The following HS1BP3 variants were observed in gnomAD, a reference collection of about 807,000 sequenced individuals.
HS1BP3 encodes HCLS1-binding protein 3.
Under a neutral mutation model 33.5 loss-of-function variants are expected in HS1BP3, and 32 were observed. The ratio of observed to expected loss-of-function variants is 0.95; its 90% confidence interval spans 0.72 to 1.28. HS1BP3 has a LOEUF of 1.28. Among genes scored for constraint, HS1BP3 ranks in the 50% most tolerant of loss-of-function variants. The pLI, the probability that HS1BP3 is intolerant of heterozygous loss-of-function variation, is 0.00. For missense variants in HS1BP3, 486 were observed against 502.3 expected (o/e 0.97, Z 0.31); for synonymous variants, 187 against 209.2 (o/e 0.89, Z 0.92).
chr2:20,610,329 A>G (rs1694293978), intron 2 of HS1BP3, among the ~76,000 whole-genome samples: 1 of 152,102 alleles, frequency 6.6e-6, no homozygotes, highest in South Asian at 2.1e-4. Flanking sequence ...TATCATACAG[A>G]TAAGTTTTTG....
intron 5 of HS1BP3, among the ~76,000 whole-genome samples, chr2:20,578,339 C>T (rs1346860676): frequency 1.3e-5 from 2 of 152,224 alleles, no homozygotes; most frequent in East Asian, 3.8e-4. Flanking sequence ...CAGAGCCCCA[C>T]ACCTATTACC....
At chr2:20,565,826 G>A (rs545709484) in intron 5 of HS1BP3, among the ~76,000 whole-genome samples, 6 of 152,202 alleles carry the variant, frequency 3.9e-5, no homozygotes, top group Non-Finnish European at 8.8e-5. Flanking sequence ...CCAGAGAGCC[G>A]GAGCCCTGCT....
rs539018429 is a variant in HS1BP3 at position 20,624,423 on chromosome 2, C to T, written c.784+309G>A. Among the ~76,000 whole-genome samples the T allele has an allele frequency of 3.9e-5, 6 of 152,320 alleles. No individual in the cohort carries two copies. In the South Asian group the frequency reaches 1.2e-3, roughly 32 times the overall value. ...GTCCCAAGGCCGCTCGGTTTTCCCT[C>T]TGCCAACTCTGCACAGAGCCCTCCA... On this transcript the variant is annotated intron_variant, in intron 5 of 6. Transcript: ENST00000304031.
At chr2:20,619,977 G>C (rs2149289801) in intron 6 of HS1BP3, among the ~76,000 whole-genome samples, 1 of 152,198 alleles carries the variant, frequency 6.6e-6, no homozygotes, top group Admixed American at 6.5e-5. Flanking sequence ...CATGACCCCA[G>C]ACCTCTAATC....
chr2:20,570,736 G>T (rs13422371), intron 5 of HS1BP3, among the ~76,000 whole-genome samples: 9,570 of 152,190 alleles, frequency 0.063, 485 homozygotes, highest in South Asian at 0.15. Flanking sequence ...GAGAAGAAAT[G>T]GTGTCTCAGA....
At position 20,628,852 on chromosome 2, in the gene HS1BP3, T is replaced by C. The variant is rs375231381; in HGVS notation, c.624-3960A>G. Among the ~76,000 whole-genome samples, 19 of 152,192 alleles carry C rather than the reference T, an allele frequency of 1.2e-4. No individual in the cohort carries two copies. In the South Asian group the frequency reaches 4.0e-3, roughly 32 times the overall value. On this transcript the variant is annotated intron_variant, in intron 4 of 6. Coordinates refer to ENST00000304031, the MANE Select transcript of HS1BP3 (RefSeq NM_022460.4). ...TGTGAGGGTCTGCAGCGGGCGTGAC[T>C]AGGACATAACTGGGAACCCAGATTC... is the stretch of plus-strand genomic sequence containing the variant.
chr2:20,650,989 G>A lies in HS1BP3; in HGVS notation c.32+43C>T, dbSNP rs374400482. 4.1e-6 allele frequency: 5 copies of A among 1,231,830 alleles called. No homozygotes were observed. The South Asian group carries it at 1.2e-4, about 30-fold the overall frequency. The allele number at this position is 1,231,830 out of a possible 1,614,324, so 76.3% of individuals were successfully genotyped here. ...CCCCGCCTCTCCGCCCGGGCGCCCC[G>A]GACTGCGAGCTGTGCGGTGTGGGGC... On this transcript the variant is annotated intron_variant, in intron 1 of 6. Coordinates refer to ENST00000304031, the MANE Select transcript of HS1BP3 (RefSeq NM_022460.4).
chr2:20,587,374 C>T (rs1044381700), intron 5 of HS1BP3, among the ~76,000 whole-genome samples: 9 of 152,184 alleles, frequency 5.9e-5, no homozygotes, highest in Admixed American at 3.9e-4. Flanking sequence ...CCATCAACCA[C>T]GCCCATCTGT....
intron 3 of HS1BP3, among the ~76,000 whole-genome samples, chr2:20,594,219 T>C (rs1693894331): frequency 6.6e-6 from 1 of 152,216 alleles, no homozygotes; most frequent in Admixed American, 6.5e-5. Flanking sequence ...TAGTGACATC[T>C]GCCATGGGTG....
chr2:20,587,646 C>T (rs1372715588), downstream of HS1BP3, among the ~76,000 whole-genome samples: 2 of 151,910 alleles, frequency 1.3e-5, no homozygotes, highest in Non-Finnish European at 2.9e-5. Context: ...CTCGGGAGGC[C>T]GAGGCAGGAG....
chr2:20,623,901 C>T lies in HS1BP3; in HGVS notation c.915G>A (p.Leu305=), dbSNP rs1156519237. ...CCGCTGGGGACAGGTGGTACCTGAACAGTTCCTTGGAGGCGTCCCTGTGGC... is the reference window on the plus strand; with the variant it reads ...CCGCTGGGGACAGGTGGTACCTGAATAGTTCCTTGGAGGCGTCCCTGTGGC... The part of the protein sequence containing the change: ...SLSHRDASKE[L]FRVEEDLDQI... Residue 305 remains leucine, a synonymous_variant, in exon 6 of 7, where the codon CTG becomes CTA. Transcript: ENST00000304031. 1.2e-6 allele frequency: 2 copies of T among 1,611,910 alleles called. No homozygotes were observed. Among genetic ancestry groups the T allele is most frequent in the Non-Finnish European group, 1.7e-6 (2 of 1,179,784 alleles).
At position 20,611,754 on chromosome 2, in the gene HS1BP3, A is replaced by G. The variant is rs1452708962; in HGVS notation, c.178+12142T>C. On this transcript the variant is annotated intron_variant, in intron 2 of 3. Transcript: ENST00000415264. This position sits in a 1 kb window ranked among gnomAD's most constrained non-coding sequence, Gnocchi z 4.9. ...CTTTCTGGGTCTCCAGTGGTTTTGT[A>G]TGTGCCCATTCCCATGCCCCCCACC... is the stretch of plus-strand genomic sequence containing the variant. Among the ~76,000 whole-genome samples the G allele has an allele frequency of 2.0e-5, 3 of 152,218 alleles. No homozygotes were observed. The South Asian group carries it at 6.2e-4, about 32-fold the overall frequency.
intron 3 of HS1BP3, among the ~76,000 whole-genome samples, chr2:20,595,708 C>T (rs911754472): frequency 3.3e-5 from 5 of 152,174 alleles, no homozygotes; most frequent in African/African-American, 1.2e-4. Context: ...CAAATGAGAC[C>T]ACAGACAACT....
At chr2:20,624,997 G>A (rs904566152) in intron 4 of HS1BP3, 105 bp from the exon 5 acceptor site, 68 of 1,358,394 alleles carry the variant, frequency 5.0e-5, no homozygotes, top group Non-Finnish European at 7.0e-5. Context: ...GGGGCTGGAT[G>A]CCATGGGCCA....
intron 5 of HS1BP3, among the ~76,000 whole-genome samples, chr2:20,573,684 A>G (rs1693328807): frequency 6.6e-6 from 1 of 152,178 alleles, no homozygotes; most frequent in Non-Finnish European, 1.5e-5. Flanking sequence ...CTTCCTGTTC[A>G]GCTACTAGTT....
chr2:20,597,842 C>G (rs1334657850), intron 3 of HS1BP3, among the ~76,000 whole-genome samples: 1 of 152,066 alleles, frequency 6.6e-6, no homozygotes, highest in Non-Finnish European at 1.5e-5. Context: ...GCCCGTAAAC[C>G]CTTGCTGTTG....
At chr2:20,580,863 T>C (rs1693516669) in intron 5 of HS1BP3, among the ~76,000 whole-genome samples, 1 of 152,194 alleles carries the variant, frequency 6.6e-6, no homozygotes, top group African/African-American at 2.4e-5. Context: ...TGAAAATCAA[T>C]ATTTAAGTTC....
intron 2 of HS1BP3, among the ~76,000 whole-genome samples, chr2:20,605,991 A>T (rs1694168475): frequency 6.6e-6 from 1 of 152,160 alleles, no homozygotes; most frequent in Admixed American, 6.5e-5. Context: ...GTCATACAGT[A>T]ATTCTATTTT....
downstream of HS1BP3, among the ~76,000 whole-genome samples, chr2:20,615,688 C>G (rs372636730): frequency 3.7e-4 from 56 of 152,290 alleles, no homozygotes; most frequent in South Asian, 0.012. Context: ...TGGGAATGAC[C>G]CTCCACATCA....
Sources: allele counts gnomAD v4.1 joint callset (sites outside exome capture counted in the v4.1 genomes callset), GRCh38; gene constraint gnomAD v4.1.1; non-coding constraint Gnocchi (gnomAD v3.1); transcripts MANE v1.5; gene names NCBI Gene and HGNC (gene_info 2026-07-23, HGNC 2026-07-21).